Variants in SPATS2L observed in about 807,000 individuals in gnomAD.
SPATS2L encodes the protein spermatogenesis associated serine rich 2 like.
Under a neutral mutation model 59.6 loss-of-function variants are expected in SPATS2L, and 30 were observed. The ratio of observed to expected loss-of-function variants is 0.50; its 90% confidence interval spans 0.38 to 0.68. The LOEUF (loss-of-function observed/expected upper bound fraction) is 0.68, where lower values mean the gene tolerates loss of function less well. Ranked by LOEUF, SPATS2L falls within the 30% of genes least tolerant of loss-of-function variation. SPATS2L has a pLI of 0.00. For synonymous variants in SPATS2L, 252 were observed against 263.5 expected, an observed-to-expected ratio of 0.96 and a Z score of 0.42; for missense variants, 615 against 700.0, an observed-to-expected ratio of 0.88 and a Z score of 1.37.
Position 200,306,792 on chromosome 2 carries a change from C to T in SPATS2L, c.-203C>T. 2.0e-6 allele frequency: 2 copies of T among 981,114 alleles called. No individual in the cohort carries two copies. The highest frequency in any genetic ancestry group is 2.4e-6 in the Non-Finnish European group (2 of 828,016). The allele number at this position is 981,114 out of a possible 1,614,324, so 60.8% of individuals were successfully genotyped here. Reference sequence around the variant, plus strand: ...GGCGAGCTCCGGACGGCGCGCGGCCCAGGCAGCGGCTCCCGCTCGGCCCGC... The same window carrying T: ...GGCGAGCTCCGGACGGCGCGCGGCCTAGGCAGCGGCTCCCGCTCGGCCCGC... On this transcript the variant is annotated 5_prime_UTR_variant, in exon 1 of 13. Transcript: ENST00000409140.
chr2:200,469,881 A>G, intron 10 of SPATS2L, 33 bp from the exon 11 acceptor site: 2 of 1,556,280 alleles, frequency 1.3e-6, no homozygotes, highest in Non-Finnish European at 1.8e-6. Context: ...TTCTGTAATC[A>G]TGGGGTTCCT....
rs534799213 is a variant in SPATS2L, at chr2:200,416,467, A to G, written c.198+39A>G. The G allele has an allele frequency of 4.6e-5, 54 of 1,182,730 alleles. 1 individual carries two copies. The Middle Eastern group carries it at 1.2e-3, about 26-fold the overall frequency. The allele number at this position is 1,182,730 out of a possible 1,614,324, so 73.3% of individuals were successfully genotyped here. A position where few individuals can be genotyped will look rare whatever the true frequency, so the allele number is the denominator to read the frequency against. ...TGATTGTAAATTGGTAACATCTTCA[A>G]TCAAAACCTTCATGGTTGTTATCAT... On this transcript the variant is annotated intron_variant, in intron 5 of 12. Transcript: ENST00000409140.
chr2:200,324,199 T>G (rs764917954), intron 1 of SPATS2L, among the ~76,000 whole-genome samples: 4 of 152,226 alleles, frequency 2.6e-5, no homozygotes, highest in Non-Finnish European at 5.9e-5. Context: ...GATTTGCTCA[T>G]TGACCACCCT....
At chr2:200,361,663 A>G (rs571996030) in intron 2 of SPATS2L, among the ~76,000 whole-genome samples, 1 of 152,284 alleles carries the variant, frequency 6.6e-6, no homozygotes, top group East Asian at 1.9e-4. Context: ...TAGATTTACA[A>G]CTGAATAAGC....
chr2:200,419,233 T>C lies in SPATS2L; in HGVS notation c.199-17T>C, dbSNP rs1574455749. 6.4e-7 allele frequency: 1 copy of C among 1,550,812 alleles called. No individual in the cohort carries two copies. Among genetic ancestry groups the C allele is most frequent in the Non-Finnish European group, 8.7e-7 (1 of 1,146,960 alleles). ...GTCTGAGTTGAATATTATGTTCTCA[T>C]TTGTTTCTCATTCTAGAACAATAAA... is the stretch of plus-strand genomic sequence containing the variant. On this transcript the variant is annotated splice_polypyrimidine_tract_variant and intron_variant, in intron 5 of 12. Transcript: ENST00000409140.
At chr2:200,353,693 A>C (rs960384562) in intron 2 of SPATS2L, among the ~76,000 whole-genome samples, 2 of 152,176 alleles carry the variant, frequency 1.3e-5, no homozygotes, top group Non-Finnish European at 2.9e-5. Flanking sequence ...AAAATTCTGA[A>C]GGTATTTGCC....
chr2:200,419,531 CAT>C, intron 6 of SPATS2L, 35 bp downstream of exon 6: 3 of 1,609,036 alleles, frequency 1.9e-6, no homozygotes, highest in Non-Finnish European at 2.5e-6. Flanking sequence ...CTTAGGAAGG[CAT>C]AGATGAAAAG....
chr2:200,425,915 G>A (rs1281661604), intron 6 of SPATS2L, among the ~76,000 whole-genome samples: 2 of 152,038 alleles, frequency 1.3e-5, no homozygotes, highest in Admixed American at 6.6e-5. Flanking sequence ...TCCATAGAAG[G>A]TCCCACTGTG....
At chr2:200,438,991 T>C in intron 6 of SPATS2L, 131 bp from the exon 7 acceptor site, 1 of 685,568 alleles carries the variant, frequency 1.5e-6, no homozygotes. Flanking sequence ...AAACAGTTTC[T>C]TGACTGTTTG....
chr2:200,450,219 T>C (rs1309395318), intron 8 of SPATS2L, among the ~76,000 whole-genome samples: 1 of 152,210 alleles, frequency 6.6e-6, no homozygotes, highest in African/African-American at 2.4e-5. Flanking sequence ...TGTCACATCA[T>C]TCTAGAAAAT....
chr2:200,310,891 C>T (rs1197098930), intron 1 of SPATS2L, among the ~76,000 whole-genome samples: 1 of 152,190 alleles, frequency 6.6e-6, no homozygotes, highest in Non-Finnish European at 1.5e-5. Context: ...TCAGCCTGCC[C>T]TGATCATGTT....
intron 8 of SPATS2L, among the ~76,000 whole-genome samples, chr2:200,446,274 G>C (rs2085037799): frequency 6.6e-6 from 1 of 152,188 alleles, no homozygotes; most frequent in African/African-American, 2.4e-5. Context: ...ATTCAAGACT[G>C]CTGTGAGCCA....
chr2:200,475,746 G>T (rs2087465433), intron 12 of SPATS2L, among the ~76,000 whole-genome samples: 1 of 152,144 alleles, frequency 6.6e-6, no homozygotes, highest in South Asian at 2.1e-4. Context: ...TTGGGGGTTG[G>T]TCTGCCCTAA....
At chr2:200,311,849 T>A (rs555660070) in intron 1 of SPATS2L, among the ~76,000 whole-genome samples, 1 of 152,076 alleles carries the variant, frequency 6.6e-6, no homozygotes, top group Admixed American at 6.5e-5. Context: ...GTGGAGGGAA[T>A]CTTCTTAGAA....
Position 200,479,675 on chromosome 2 carries a change from C to G in SPATS2L, c.*1644C>G. On this transcript the variant is annotated 3_prime_UTR_variant, in exon 13 of 13. Transcript: ENST00000409140. ...CGTTGCACTCACATGTCCTACATAT[C>G]TGTTGACTACTCACAAGTGCAAATG... The G allele has an allele frequency of 2.5e-6, 1 of 398,672 alleles. No homozygotes were observed. The highest frequency in any genetic ancestry group is 4.4e-6 in the Non-Finnish European group (1 of 226,082). The allele number at this position is 398,672 out of a possible 1,614,324, so 24.7% of individuals were successfully genotyped here.
intron 9 of SPATS2L, chr2:200,463,440 A>G (rs1335181031): frequency 6.6e-6 from 1 of 152,240 alleles, no homozygotes; most frequent in Non-Finnish European, 1.5e-5. Context: ...GGGAACGAAT[A>G]TTAGTGAACA....
intron 2 of SPATS2L, among the ~76,000 whole-genome samples, chr2:200,370,147 C>T (rs935063909): frequency 6.6e-6 from 1 of 152,118 alleles, no homozygotes; most frequent in Non-Finnish European, 1.5e-5. Context: ...GAGAAAGCCC[C>T]CAGAAGCTTG....
At chr2:200,359,622 A>G (rs968417085) in intron 2 of SPATS2L, among the ~76,000 whole-genome samples, 1 of 152,190 alleles carries the variant, frequency 6.6e-6, no homozygotes, top group African/African-American at 2.4e-5. Flanking sequence ...CATTTGTGTG[A>G]TAAGCCTGTT....
intron 8 of SPATS2L, among the ~76,000 whole-genome samples, chr2:200,453,220 C>T (rs2085590458): frequency 6.6e-6 from 1 of 152,112 alleles, no homozygotes; most frequent in African/African-American, 2.4e-5. Flanking sequence ...GGAGAGAGGA[C>T]AGGATGGGGA....
Sources: gnomAD v4.1 joint callset for allele counts (sites outside exome capture counted in the v4.1 genomes callset) on GRCh38, gnomAD v4.1.1 for gene constraint, MANE v1.5 for transcripts, NCBI Gene and HGNC (gene_info 2026-07-23, HGNC 2026-07-21) for gene names.